The following MYT1L variants were observed in gnomAD, a reference collection of about 807,000 sequenced individuals.
MYT1L encodes the protein myelin transcription factor 1-like protein.
In MYT1L, 12 loss-of-function variants were observed where a neutral mutation model predicts 126.7. The ratio of observed to expected loss-of-function variants is 0.09; its 90% confidence interval spans 0.06 to 0.15. MYT1L has a LOEUF of 0.15. Ranked by LOEUF, MYT1L falls within the 10% of genes least tolerant of loss-of-function variation. The pLI is 1.00. For missense variants in MYT1L, 979 were observed against 1,585.2 expected (o/e 0.62, Z 6.49); for synonymous variants, 541 against 604.2 (o/e 0.90, Z 1.53).
chr2:1,909,091 C>T lies in MYT1L; in HGVS notation c.1817+1149G>A, dbSNP rs529317797. Among the ~76,000 whole-genome samples, 15 of 152,264 alleles carry T rather than the reference C, an allele frequency of 9.9e-5. No homozygotes were observed. The South Asian group carries it at 3.1e-3, about 32-fold the overall frequency. Reference sequence around the variant, plus strand: ...TTCATATTGTTTGCCCAGTGATTTGCTCCAAGAGATTTATCCTAAATAAAT... The same window carrying T: ...TTCATATTGTTTGCCCAGTGATTTGTTCCAAGAGATTTATCCTAAATAAAT... On this transcript the variant is annotated intron_variant, in intron 13 of 24. Transcript: ENST00000647738.
intron 21 of MYT1L, among the ~76,000 whole-genome samples, chr2:1,821,161 G>A (rs1378806524): frequency 6.6e-6 from 1 of 152,150 alleles, no homozygotes; most frequent in Non-Finnish European, 1.5e-5. Context: ...GCTACTCAAC[G>A]AGGCCTTTAT....
chr2:1,879,589 C>T (rs979897262), intron 18 of MYT1L, among the ~76,000 whole-genome samples: 2 of 152,022 alleles, frequency 1.3e-5, no homozygotes, highest in East Asian at 1.9e-4. Context: ...ATCTTTGAAA[C>T]CTAGACCAAA....
chr2:1,892,197 C>T lies in MYT1L; in HGVS notation c.2123G>A (p.Gly708Asp). The T allele has an allele frequency of 1.3e-6, 2 of 1,549,792 alleles. No individual in the cohort carries two copies. The highest frequency in any genetic ancestry group is 3.4e-4 in the Middle Eastern group (2 of 5,922). The change falls in exon 15 of 25, where the codon GGC (glycine) becomes GAC (aspartate). Residue 708 changes from glycine (G) to aspartate (D), a missense_variant. By Grantham distance (94) the Gly-to-Asp change is moderately conservative. Coordinates refer to ENST00000647738, the MANE Select transcript of MYT1L (RefSeq NM_001303052.2). ...GCTGCACGTGCTGCTGGCGCTGCTGCCCCCGCCGCAGCTCAGGTTGCTGCT... is the reference window on the plus strand; with the variant it reads ...GCTGCACGTGCTGCTGGCGCTGCTGTCCCCGCCGCAGCTCAGGTTGCTGCT... ...SSSSNLSCGG[G>D]SSASSTCSKS...
chr2:2,005,073 T>C (rs1258867865), intron 4 of MYT1L, among the ~76,000 whole-genome samples: 1 of 151,448 alleles, frequency 6.6e-6, no homozygotes, highest in East Asian at 2.0e-4. Flanking sequence ...CCTGCATGCG[T>C]TCTTTCCTGC....
At chr2:2,252,449 C>T (rs556667055) in intron 2 of MYT1L, among the ~76,000 whole-genome samples, 46 of 152,322 alleles carry the variant, frequency 3.0e-4, no homozygotes, top group South Asian at 2.9e-3. Context: ...GCTGCAGGGA[C>T]GGATGCTGGC....
intron 3 of MYT1L, among the ~76,000 whole-genome samples, chr2:2,097,247 C>T (rs570251316): frequency 1.9e-4 from 29 of 152,274 alleles, no homozygotes; most frequent in African/African-American, 4.3e-4. Flanking sequence ...CTTTGCTACA[C>T]GGCAGTGAGG....
intron 13 of MYT1L, among the ~76,000 whole-genome samples, chr2:1,908,430 T>C (rs2051406355): frequency 1.3e-5 from 2 of 150,846 alleles, no homozygotes; most frequent in South Asian, 2.1e-4. Flanking sequence ...CAGTTGTAGG[T>C]GGGCAGAGCA....
chr2:1,815,160 G>T (rs2148064538), intron 21 of MYT1L, among the ~76,000 whole-genome samples: 1 of 152,310 alleles, frequency 6.6e-6, no homozygotes, highest in Admixed American at 6.5e-5. Flanking sequence ...CCGTCCTGTG[G>T]AATCAGCTCA....
intron 18 of MYT1L, among the ~76,000 whole-genome samples, chr2:1,874,190 CT>C (rs5828881): frequency 0.02 from 2,961 of 147,862 alleles, 52 homozygotes; most frequent in African/African-American, 0.046. Context: ...AGGAAACGCT[CT>C]TTTTTTTTTT....
chr2:2,118,929 G>A (rs1009810761), intron 3 of MYT1L, among the ~76,000 whole-genome samples: 28 of 152,348 alleles, frequency 1.8e-4, no homozygotes, highest in African/African-American at 6.0e-4. Context: ...GAACAGTGAC[G>A]GAATTAAGAG....
At chr2:2,226,607 T>C (rs2094016470) in intron 2 of MYT1L, among the ~76,000 whole-genome samples, 1 of 152,282 alleles carries the variant, frequency 6.6e-6, no homozygotes. Context: ...TCCAACTCAG[T>C]GGCAGGGCAA....
intron 1 of MYT1L, among the ~76,000 whole-genome samples, chr2:2,295,751 GAGACAGAC>G (rs756813873): frequency 3.6e-5 from 3 of 83,578 alleles, no homozygotes; most frequent in Admixed American, 2.3e-4. Context: ...CAGAGAGAGA[GAGACAGAC>G]AGACAGACAG....
intron 1 of MYT1L, 32 bp downstream of exon 1, chr2:2,330,935 C>T (rs2096280827): frequency 6.6e-6 from 1 of 152,032 alleles, no homozygotes; most frequent in Admixed American, 6.6e-5. Context: ...CACTAAGTTC[C>T]CCGAAAAATT....
chr2:1,831,831 T>C (rs898140775), intron 21 of MYT1L, among the ~76,000 whole-genome samples: 1 of 152,062 alleles, frequency 6.6e-6, no homozygotes, highest in African/African-American at 2.4e-5. Context: ...CCCAGGGGTG[T>C]CTTTGCTGAT....
At chr2:1,842,900 C>G (rs1243350518) in intron 19 of MYT1L, 1 of 177,766 alleles carries the variant, frequency 5.6e-6, no homozygotes, top group East Asian at 1.8e-4. Flanking sequence ...CTTCCAGGCG[C>G]TTCCGCTTCC....
chr2:1,828,789 C>G (rs1446441907), intron 21 of MYT1L: 1 of 151,904 alleles, frequency 6.6e-6, no homozygotes, highest in African/African-American at 2.4e-5. Context: ...TAGAGAGGAA[C>G]CAAAAAATAA....
intron 3 of MYT1L, among the ~76,000 whole-genome samples, chr2:2,123,466 G>A (rs1299445248): frequency 1.3e-5 from 2 of 152,172 alleles, no homozygotes; most frequent in African/African-American, 4.8e-5. Context: ...GGCCTGCTGG[G>A]AGGCAATTGG....
intron 4 of MYT1L, among the ~76,000 whole-genome samples, chr2:2,024,740 T>C (rs542540940): frequency 1.3e-5 from 2 of 152,346 alleles, no homozygotes; most frequent in South Asian, 4.1e-4. Context: ...GATCCTTCCA[T>C]AGCCAGCCGC....
chr2:1,798,336 C>T (rs985895209), intron 23 of MYT1L, among the ~76,000 whole-genome samples: 5 of 152,206 alleles, frequency 3.3e-5, no homozygotes, highest in Admixed American at 3.3e-4. Context: ...CTTTTTCCTT[C>T]TCTTGGATTT....
Sources: allele counts gnomAD v4.1 joint callset (sites outside exome capture counted in the v4.1 genomes callset), GRCh38; gene constraint gnomAD v4.1.1; transcripts MANE v1.5; gene names NCBI Gene and HGNC (gene_info 2026-07-23, HGNC 2026-07-21).